ABCC9: variants seen among roughly 807,000 people sequenced by gnomAD.
ABCC9 encodes ATP-binding cassette sub-family C member 9.
In ABCC9, 95 loss-of-function variants were observed where a neutral mutation model predicts 188.3. The observed-to-expected ratio is 0.50, with a 90% CI of 0.43 to 0.60. The LOEUF is 0.60. ABCC9 is among the 20% of genes least tolerant of loss of function. ABCC9 has a pLI of 0.00. For missense variants in ABCC9, 1,102 were observed against 1,876.3 expected, an observed-to-expected ratio of 0.59 and a Z score of 7.62; for synonymous variants, 659 against 652.7, an observed-to-expected ratio of 1.01 and a Z score of -0.15.
intron 16 of ABCC9, among the ~76,000 whole-genome samples, chr12:21,876,574 C>T (rs2052488316): frequency 6.6e-6 from 1 of 152,140 alleles, no homozygotes; most frequent in African/African-American, 2.4e-5. Flanking sequence ...ATCACAATAC[C>T]TTCTATTCAT....
chr12:21,858,102 A>G (rs1234629379), intron 22 of ABCC9, among the ~76,000 whole-genome samples: 1 of 152,124 alleles, frequency 6.6e-6, no homozygotes, highest in Non-Finnish European at 1.5e-5. Flanking sequence ...TGATTCTACA[A>G]TTGAAGTAGG....
chr12:21,828,555 A>G, intron 31 of ABCC9: 1 of 283,532 alleles, frequency 3.5e-6, no homozygotes, highest in South Asian at 3.5e-5. Context: ...ATTTTGCACT[A>G]ACATGACCCT....
intron 31 of ABCC9, among the ~76,000 whole-genome samples, chr12:21,825,447 G>A (rs1943315631): frequency 1.3e-5 from 2 of 152,132 alleles, no homozygotes; most frequent in South Asian, 4.1e-4. Context: ...TATACACCAT[G>A]GAATACTATG....
At chr12:21,818,074 C>T in intron 32 of ABCC9, 76 bp downstream of exon 32, 1 of 921,646 alleles carries the variant, frequency 1.1e-6, no homozygotes, top group Non-Finnish European at 1.6e-6. Context: ...GTGTTCTCAA[C>T]ATTCAATTCC....
Position 21,801,021 on chromosome 12 carries a change from A to T in ABCC9, c.*23T>A. The T allele has an allele frequency of 1.2e-6, 2 of 1,613,324 alleles. No individual in the cohort carries two copies. Among genetic ancestry groups the T allele is most frequent in the Non-Finnish European group, 1.7e-6 (2 of 1,179,704 alleles). ...GTTATGACTGCATTATTTTAAATAC[A>T]TGTATTGTTTTAAGACACTCCTTCA... On this transcript the variant is annotated 3_prime_UTR_variant, in exon 40 of 40. Transcript: ENST00000261200.
chr12:21,922,751 C>CTTTTTTTTTTTTTTT (rs143763191), intron 5 of ABCC9, among the ~76,000 whole-genome samples: 1 of 119,120 alleles, frequency 8.4e-6, no homozygotes. Flanking sequence ...TTTTTTTTTT[C>CTTTTTTTTTTTTTTT]TTTTTTTTTT....
chr12:21,834,877 C>T (rs531157624), intron 30 of ABCC9, among the ~76,000 whole-genome samples: 3 of 151,196 alleles, frequency 2.0e-5, no homozygotes, highest in Non-Finnish European at 4.4e-5. Context: ...CCACCATTAA[C>T]TTCTCACTCA....
intron 13 of ABCC9, among the ~76,000 whole-genome samples, chr12:21,894,759 C>T (rs908766474): frequency 1.3e-5 from 2 of 152,088 alleles, no homozygotes; most frequent in Admixed American, 6.5e-5. Context: ...TACAGGCATG[C>T]GCCATCATGC....
intron 6 of ABCC9, among the ~76,000 whole-genome samples, chr12:21,916,359 A>G (rs140528010): frequency 3.0e-4 from 46 of 152,328 alleles, no homozygotes; most frequent in African/African-American, 1.1e-3. Flanking sequence ...GATCAAGTTC[A>G]AAGTTCTCTG....
rs1303591852 is a variant in ABCC9, at chr12:21,799,240, A to C, written c.*1804T>G. On this transcript the variant is annotated 3_prime_UTR_variant, in exon 40 of 40. Transcript: ENST00000261200. ...TGTGCACATGTACCCTAAAACTTAA[A>C]GTATATTAAAAAAAAAATTAAAAAA... is the stretch of plus-strand genomic sequence containing the variant. 3.3e-5 allele frequency: 5 copies of C among 150,686 alleles called. 1 individual carries two copies. The highest frequency in any genetic ancestry group is 1.2e-4 in the African/African-American group (5 of 40,534). The allele number at this position is 150,686 out of a possible 1,614,324, so 9.3% of individuals were successfully genotyped here.
chr12:21,936,735 G>A (rs1428216311), intron 2 of ABCC9, 41 bp from the exon 3 acceptor site: 1 of 1,426,870 alleles, frequency 7.0e-7, no homozygotes, highest in East Asian at 2.3e-5. Flanking sequence ...CCTCTTATTA[G>A]TAAACTCTTG....
chr12:21,855,996 G>A (rs1251265572), intron 22 of ABCC9, among the ~76,000 whole-genome samples: 2 of 152,066 alleles, frequency 1.3e-5, no homozygotes, highest in Non-Finnish European at 2.9e-5. Context: ...GTTCATCTGT[G>A]AACAGCAGTA....
At chr12:21,882,629 T>C in intron 16 of ABCC9, 137 bp downstream of exon 16, 1 of 739,624 alleles carries the variant, frequency 1.4e-6, no homozygotes, top group Non-Finnish European at 2.2e-6. Flanking sequence ...CAGAATTTTT[T>C]TTTAAATGTT....
At chr12:21,862,608 C>G (rs1222814008) in intron 20 of ABCC9, among the ~76,000 whole-genome samples, 2 of 152,056 alleles carry the variant, frequency 1.3e-5, no homozygotes, top group African/African-American at 4.8e-5. Context: ...ATTAAACTTC[C>G]TTTGTGAAAT....
At chr12:21,894,952 G>A (rs1947328714) in intron 13 of ABCC9, among the ~76,000 whole-genome samples, 1 of 152,180 alleles carries the variant, frequency 6.6e-6, no homozygotes, top group Non-Finnish European at 1.5e-5. Flanking sequence ...ATTTTGCAAT[G>A]TTTGCAAATG....
Position 21,844,933 on chromosome 12 carries a change from C to CA in ABCC9, c.3097-19dup, listed in dbSNP as rs754506930. Reference sequence around the variant, plus strand: ...TAGTAGGTCTAAAAAGCAACCAACACAAAAAGCACATAGGAAATTATCAAT... The same window carrying CA: ...TAGTAGGTCTAAAAAGCAACCAACACAAAAAAGCACATAGGAAATTATCAAT... On this transcript the variant is annotated intron_variant, in intron 26 of 39. Coordinates refer to ENST00000261200, the MANE Select transcript of ABCC9 (RefSeq NM_020297.4). The CA allele has an allele frequency of 1.9e-6, 3 of 1,613,170 alleles. No homozygotes were observed. Among genetic ancestry groups the CA allele is most frequent in the Admixed American group, 1.7e-5 (1 of 59,938 alleles).
chr12:21,822,415 T>C (rs1396656192), intron 31 of ABCC9, among the ~76,000 whole-genome samples: 1 of 152,144 alleles, frequency 6.6e-6, no homozygotes, highest in Non-Finnish European at 1.5e-5. Flanking sequence ...GTACTACACT[T>C]TTCAAAAAAT....
intron 4 of ABCC9, among the ~76,000 whole-genome samples, chr12:21,927,316 A>G (rs565620109): frequency 4.6e-5 from 7 of 152,300 alleles, no homozygotes; most frequent in East Asian, 1.9e-4. Flanking sequence ...TTAAACGGAT[A>G]GCTCTAGCAG....
chr12:21,898,804 T>C (rs1947561624), intron 12 of ABCC9, among the ~76,000 whole-genome samples: 1 of 152,188 alleles, frequency 6.6e-6, no homozygotes, highest in Non-Finnish European at 1.5e-5. Context: ...AAAAACAATA[T>C]TTTTGTAACA....
Sources: allele counts gnomAD v4.1 joint callset (sites outside exome capture counted in the v4.1 genomes callset), GRCh38; gene constraint gnomAD v4.1.1; transcripts MANE v1.5; gene names NCBI Gene and HGNC (gene_info 2026-07-23, HGNC 2026-07-21).